GSTZ1: variants seen among roughly 807,000 people sequenced by gnomAD.
GSTZ1 encodes glutathione S-transferase zeta 1.
In GSTZ1, 34 loss-of-function variants were observed where a neutral mutation model predicts 35.9. The ratio of observed to expected loss-of-function variants is 0.95; its 90% confidence interval spans 0.72 to 1.26. The LOEUF (loss-of-function observed/expected upper bound fraction) is 1.26, where lower values mean the gene tolerates loss of function less well. Among genes scored for constraint, GSTZ1 ranks in the 50% most tolerant of loss-of-function variants. GSTZ1 has a pLI of 0.00. For missense variants in GSTZ1, 263 were observed against 271.7 expected (o/e 0.97, Z 0.23); for synonymous variants, 93 against 101.2 (o/e 0.92, Z 0.49).
In GSTZ1 at chr14:77,330,298, G is replaced by A. The variant is rs731346; in HGVS notation, c.475-12G>A. 931,809 of 1,606,326 alleles carry A rather than the reference G, an allele frequency of 0.58. 275,162 individuals carry two copies. Among genetic ancestry groups the A allele is most frequent in the African/African-American group, 0.89 (66,510 of 74,854 alleles). On this transcript the variant is annotated splice_polypyrimidine_tract_variant and intron_variant, in intron 7 of 8. Coordinates refer to ENST00000216465, the MANE Select transcript of GSTZ1 (RefSeq NM_145870.3). Reference sequence around the variant, plus strand: ...ATGCACCCTGATGGGAACCCACCGGGACCTCTTTCAGGTGACCATGGCTGA... The same window carrying A: ...ATGCACCCTGATGGGAACCCACCGGAACCTCTTTCAGGTGACCATGGCTGA...
chr14:77,324,834 T>C, intron 1 of GSTZ1, 36 bp from the exon 2 acceptor site: 1 of 1,603,434 alleles, frequency 6.2e-7, no homozygotes. Context: ...CCACCCAGCA[T>C]GGGTTAACAC....
intron 1 of GSTZ1, chr14:77,322,876 T>G (rs1364901566): frequency 5.7e-6 from 1 of 174,848 alleles, no homozygotes; most frequent in African/African-American, 2.4e-5. Flanking sequence ...CTTAATATGC[T>G]AGGGGTGGCA....
chr14:77,331,400 G>A lies in GSTZ1; in HGVS notation c.*205G>A, dbSNP rs1241716818. ...GGAGTAGGGAGATGCGGGGAGCAGG[G>A]TGGGCAGGAATACTGTTATCTATGT... On this transcript the variant is annotated 3_prime_UTR_variant, in exon 9 of 9. Transcript: ENST00000216465. The A allele has an allele frequency of 1.1e-5, 6 of 570,930 alleles. No homozygotes were observed. The highest frequency in any genetic ancestry group is 4.7e-4 in the Middle Eastern group (1 of 2,124). The allele number at this position is 570,930 out of a possible 1,614,324, so 35.4% of individuals were successfully genotyped here.
intron 3 of GSTZ1, 41 bp from the exon 4 acceptor site, chr14:77,327,431 C>G: frequency 7.4e-7 from 1 of 1,350,666 alleles, no homozygotes; most frequent in South Asian, 1.2e-5. Flanking sequence ...CTGGCCAACT[C>G]AGGCCAGGCC....
intron 1 of GSTZ1, 130 bp downstream of exon 1, chr14:77,321,313 G>C: frequency 6.5e-7 from 1 of 1,527,402 alleles, no homozygotes; most frequent in East Asian, 2.5e-5. Context: ...CTTTGCGCCG[G>C]GCACGCTCTG....
intron 2 of GSTZ1, 187 bp downstream of exon 2, chr14:77,325,108 G>A: frequency 8.1e-6 from 5 of 614,692 alleles, no homozygotes; most frequent in Admixed American, 2.5e-5. Context: ...GGAAACACAG[G>A]GTGAGGGTGG....
intron 6 of GSTZ1, 149 bp from the exon 7 acceptor site, chr14:77,329,606 G>A (rs1892508441): frequency 2.9e-6 from 2 of 688,776 alleles, no homozygotes; most frequent in South Asian, 1.7e-5. Context: ...CAGCTCTCTC[G>A]AGACCTGGCT....
At chr14:77,327,573 AG>A in intron 4 of GSTZ1, 21 bp downstream of exon 4, 2 of 1,514,574 alleles carry the variant, frequency 1.3e-6, no homozygotes, top group Non-Finnish European at 9.1e-7. Flanking sequence ...GGCCTGGGGG[AG>A]GGCCCTCATG....
chr14:77,329,808 G>T lies in GSTZ1; in HGVS notation c.474+1G>T. 1 of 1,612,472 alleles carries T rather than the reference G, an allele frequency of 6.2e-7. No individual in the cohort carries two copies. Among genetic ancestry groups the T allele is most frequent in the Non-Finnish European group, 8.5e-7 (1 of 1,178,458 alleles). ...GGGCATATACTGTGTAGGAGACGAGGTAAGCTGTCCCCAGACCTCCCCAGG... is the reference window on the plus strand; with the variant it reads ...GGGCATATACTGTGTAGGAGACGAGTTAAGCTGTCCCCAGACCTCCCCAGG... On this transcript the variant is annotated splice_donor_variant, in intron 7 of 8. Transcript: ENST00000216465. LOFTEE classifies it high-confidence loss of function.
chr14:77,324,807 T>A, intron 1 of GSTZ1, 63 bp from the exon 2 acceptor site: 1 of 1,503,712 alleles, frequency 6.7e-7, no homozygotes, highest in Non-Finnish European at 9.3e-7. Flanking sequence ...AATGGTTGAC[T>A]CCTCCCAAGC....
intron 1 of GSTZ1, chr14:77,322,628 T>C (rs1892081918): frequency 1.0e-6 from 1 of 984,590 alleles, no homozygotes; most frequent in South Asian, 4.7e-5. Flanking sequence ...CATCTCCAAA[T>C]AAGGAAGATC....
Position 77,331,227 on chromosome 14 carries a change from A to C in GSTZ1, c.*32A>C. 6.3e-7 allele frequency: 1 copy of C among 1,595,338 alleles called. No individual in the cohort carries two copies. The highest frequency in any genetic ancestry group is 8.6e-7 in the Non-Finnish European group (1 of 1,168,576). On this transcript the variant is annotated 3_prime_UTR_variant, in exon 9 of 9. Transcript: ENST00000216465. ...AATCCTGCCCCGTTGGCACAGGGCC[A>C]CAGGAGCAGAAGCTGGGTGGGCTGA...
rs112779751 is a variant in GSTZ1 at position 77,331,128 on chromosome 14, T to C, written c.584T>C (p.Val195Ala). 403 of 1,614,002 alleles carry C rather than the reference T, an allele frequency of 2.5e-4. 1 individual carries two copies. In the African/African-American group the frequency reaches 4.5e-3, roughly 18 times the overall value. The change falls in exon 9 of 9, where the codon GTC (valine) becomes GCC (alanine). Residue 195 changes from valine to alanine, a missense_variant. Val to Ala is a moderately conservative substitution (Grantham distance 64). Transcript: ENST00000216465. ...AGCTCCATCAACAAGAGGCTGCTGGTCTTGGAGGCCTTCCAGGTGTCTCAC... is the reference window on the plus strand; with the variant it reads ...AGCTCCATCAACAAGAGGCTGCTGGCCTTGGAGGCCTTCCAGGTGTCTCAC... ...TISSINKRLL[V>A]LEAFQVSHPC...
At chr14:77,330,601 T>C (rs1322132058) in intron 8 of GSTZ1, among the ~76,000 whole-genome samples, 1 of 152,236 alleles carries the variant, frequency 6.6e-6, no homozygotes, top group East Asian at 1.9e-4. Context: ...AGGAGGTGGC[T>C]CACCTGGTGG....
intron 2 of GSTZ1, chr14:77,326,624 T>G: frequency 1.4e-5 from 7 of 515,630 alleles, no homozygotes; most frequent in South Asian, 2.4e-5. Context: ...AGTTCAGGGG[T>G]GAGTGAGGCA....
chr14:77,321,356 C>G, intron 1 of GSTZ1, 173 bp downstream of exon 1: 2 of 1,532,022 alleles, frequency 1.3e-6, no homozygotes. Context: ...CGCTGGGGCT[C>G]GAAGTTCCGG....
At position 77,331,183 on chromosome 14, in the gene GSTZ1, G is replaced by C. The variant is rs1307911501; in HGVS notation, c.639G>C (p.Glu213Asp). ...HPCRQPDTPTELRA is the reference protein window; with the variant it reads ...HPCRQPDTPTDLRA ...GCCGGCAGCCAGATACACCCACTGA[G>C]CTGAGGGCCTAGCTCCCAAATCCTG... Residue 213 changes from glutamate (E) to aspartate (D), a missense_variant, in exon 9 of 9, where the codon GAG (glutamate) becomes GAC (aspartate). Coordinates refer to ENST00000216465, the MANE Select transcript of GSTZ1 (RefSeq NM_145870.3). 3.1e-6 allele frequency: 5 copies of C among 1,613,504 alleles called. No homozygotes were observed. The highest frequency in any genetic ancestry group is 4.2e-6 in the Non-Finnish European group (5 of 1,179,726).
At position 77,330,321 on chromosome 14, in the gene GSTZ1, T is replaced by A; in HGVS notation, c.486T>A (p.Ala162=). 1 of 1,613,682 alleles carries A rather than the reference T, an allele frequency of 6.2e-7. No individual in the cohort carries two copies. The highest frequency in any genetic ancestry group is 1.3e-5 in the African/African-American group (1 of 75,030). ...IYCVGDEVTM[A]DLCLVPQVAN... ...GGGACCTCTTTCAGGTGACCATGGCTGATCTGTGCTTGGTGCCTCAGGTGG... is the reference window on the plus strand; with the variant it reads ...GGGACCTCTTTCAGGTGACCATGGCAGATCTGTGCTTGGTGCCTCAGGTGG... Residue 162 remains alanine (A), a synonymous_variant, in exon 8 of 9, where the codon GCT becomes GCA. Transcript: ENST00000216465.
At chr14:77,321,553 C>T (rs969174194) in intron 1 of GSTZ1, 9 of 1,259,754 alleles carry the variant, frequency 7.1e-6, no homozygotes, top group Non-Finnish European at 8.1e-6. Flanking sequence ...TTCTCTTGGC[C>T]CTAGCAGGAG....
Sources: gnomAD v4.1 joint callset for allele counts (sites outside exome capture counted in the v4.1 genomes callset) on GRCh38, gnomAD v4.1.1 for gene constraint, MANE v1.5 for transcripts, NCBI Gene and HGNC (gene_info 2026-07-23, HGNC 2026-07-21) for gene names.